Variants in LGSN observed in about 807,000 individuals in gnomAD.
LGSN encodes lengsin, lens protein with glutamine synthetase domain.
LGSN carries 21 observed loss-of-function variants against 19.5 expected under a neutral mutation model. The ratio of observed to expected loss-of-function variants is 1.07; its 90% CI spans 0.76 to 1.55. The LOEUF (loss-of-function observed/expected upper bound fraction) is 1.55. Ranked by LOEUF, LGSN falls within the 40% of genes most tolerant of loss-of-function variation. The pLI is 0.00. For synonymous variants in LGSN, 257 were observed against 215.6 expected (o/e 1.19, Z -1.68); for missense variants, 673 against 608.5 (o/e 1.11, Z -1.12).
At chr6:63,475,560 T>G in the LGSN span, among the ~76,000 whole-genome samples, 1 of 152,126 alleles carries the variant, frequency 6.6e-6, no homozygotes, top group Non-Finnish European at 1.5e-5. Context: ...TGGTATAAAT[T>G]TTGTCTCTTA....
chr6:63,497,384 A>G, the LGSN span, among the ~76,000 whole-genome samples: 1 of 151,982 alleles, frequency 6.6e-6, no homozygotes, highest in Non-Finnish European at 1.5e-5. Context: ...GCCCGTCTCT[A>G]CTAACAATAC....
chr6:63,563,779 G>A, the LGSN span, among the ~76,000 whole-genome samples: 237 of 152,258 alleles, frequency 1.6e-3, no homozygotes, highest in African/African-American at 5.2e-3. Flanking sequence ...AGTGAGTCCA[G>A]GAGGCCCTAG....
the LGSN span, among the ~76,000 whole-genome samples, chr6:63,416,419 T>C: frequency 6.6e-6 from 1 of 152,190 alleles, no homozygotes; most frequent in East Asian, 1.9e-4. Context: ...AGTCTTTCTT[T>C]GCACTCCTTA....
chr6:63,306,195 A>G (rs1023708833), intron 1 of LGSN, among the ~76,000 whole-genome samples: 2 of 152,196 alleles, frequency 1.3e-5, no homozygotes, highest in African/African-American at 4.8e-5. Flanking sequence ...ATTTATTATC[A>G]CCTACATTTT....
the LGSN span, among the ~76,000 whole-genome samples, chr6:63,408,834 GA>G: frequency 6.6e-6 from 1 of 151,798 alleles, no homozygotes; most frequent in African/African-American, 2.4e-5. Flanking sequence ...AAATTTACAA[GA>G]AAAAAACAAA....
At chr6:63,571,240 G>C in the LGSN span, 1 of 152,132 alleles carries the variant, frequency 6.6e-6, no homozygotes, top group Non-Finnish European at 1.5e-5. Flanking sequence ...TCTCTAAATA[G>C]AAGTTCTAAT....
At chr6:63,367,029 G>A in the LGSN span, among the ~76,000 whole-genome samples, 1 of 152,008 alleles carries the variant, frequency 6.6e-6, no homozygotes, top group South Asian at 2.1e-4. Context: ...CATAGGCATG[G>A]GCAAGGACTT....
chr6:63,296,122 A>T (rs1767969289), intron 1 of LGSN, among the ~76,000 whole-genome samples: 1 of 151,948 alleles, frequency 6.6e-6, no homozygotes. Flanking sequence ...AAAAAGAAAG[A>T]TTTTCATTTT....
chr6:63,468,647 C>G, the LGSN span, among the ~76,000 whole-genome samples: 2 of 151,894 alleles, frequency 1.3e-5, no homozygotes, highest in African/African-American at 4.8e-5. Flanking sequence ...AGGCTGGTCT[C>G]GAACTTCTGA....
At chr6:63,308,639 C>G (rs555336603) in intron 1 of LGSN, among the ~76,000 whole-genome samples, 1 of 151,716 alleles carries the variant, frequency 6.6e-6, no homozygotes, top group Non-Finnish European at 1.5e-5. Context: ...TTTTTTGACC[C>G]CTATATAATA....
At position 63,279,935 on chromosome 6, in the gene LGSN, T is replaced by C. The variant is rs1228953756; in HGVS notation, c.*86A>G. 1 of 1,253,644 alleles carries C rather than the reference T, an allele frequency of 8.0e-7. No individual in the cohort carries two copies. The highest frequency in any genetic ancestry group is 1.1e-6 in the Non-Finnish European group (1 of 900,998). 77.7% of individuals were successfully genotyped at this position (1,253,644 alleles called of 1,614,324 possible). ...GTAATCTTGTTATTGTTGCTGTTGTTAATTACAAAAGTTCAGTCTTTTTGT... is the reference window on the plus strand; with the variant it reads ...GTAATCTTGTTATTGTTGCTGTTGTCAATTACAAAAGTTCAGTCTTTTTGT... On this transcript the variant is annotated 3_prime_UTR_variant, in exon 4 of 4. Transcript: ENST00000370657.
the LGSN span, among the ~76,000 whole-genome samples, chr6:63,527,465 T>C: frequency 6.6e-6 from 1 of 152,174 alleles, no homozygotes; most frequent in Non-Finnish European, 1.5e-5. Context: ...CTTCTTATGT[T>C]GTAGATATCT....
the LGSN span, among the ~76,000 whole-genome samples, chr6:63,359,004 C>T: frequency 3.5e-4 from 53 of 152,238 alleles, no homozygotes; most frequent in Middle Eastern, 6.8e-3. Context: ...TGAGATATGT[C>T]CCATCAAAAC....
chr6:63,506,694 T>C, the LGSN span, among the ~76,000 whole-genome samples: 7 of 152,206 alleles, frequency 4.6e-5, no homozygotes, highest in African/African-American at 1.4e-4. Context: ...CGGGCATACA[T>C]GAAAGTTATC....
chr6:63,549,492 T>G, the LGSN span: 1 of 777,424 alleles, frequency 1.3e-6, no homozygotes, highest in Admixed American at 1.9e-5. Flanking sequence ...TCCCTTGGCC[T>G]TCTTTCCTTT....
intron 1 of LGSN, among the ~76,000 whole-genome samples, chr6:63,314,250 A>G (rs1444927995): frequency 6.6e-6 from 1 of 152,126 alleles, no homozygotes; most frequent in Non-Finnish European, 1.5e-5. Flanking sequence ...TGGGGAAAAA[A>G]ATATAGAAGA....
the LGSN span, among the ~76,000 whole-genome samples, chr6:63,556,107 A>T: frequency 1.3e-5 from 2 of 152,296 alleles, no homozygotes; most frequent in South Asian, 4.1e-4. Context: ...ACATTTTGCA[A>T]ATCTAAGAAT....
At chr6:63,379,914 T>C in the LGSN span, among the ~76,000 whole-genome samples, 4 of 152,174 alleles carry the variant, frequency 2.6e-5, no homozygotes, top group Non-Finnish European at 5.9e-5. Flanking sequence ...CTTGGCTCAC[T>C]GCAACCTCTG....
the LGSN span, among the ~76,000 whole-genome samples, chr6:63,407,226 A>G: frequency 6.6e-6 from 1 of 151,984 alleles, no homozygotes; most frequent in Non-Finnish European, 1.5e-5. Flanking sequence ...GACACAACCA[A>G]AAAAGAGAAT....
Sources: gnomAD v4.1 joint callset for allele counts (sites outside exome capture counted in the v4.1 genomes callset) on GRCh38, gnomAD v4.1.1 for gene constraint, MANE v1.5 for transcripts, NCBI Gene and HGNC (gene_info 2026-07-23, HGNC 2026-07-21) for gene names.